TMEM178B: variants seen among roughly 807,000 people sequenced by gnomAD.
TMEM178B encodes transmembrane protein 178B.
TMEM178B carries 5 observed loss-of-function variants against 31.0 expected under a neutral mutation model. The observed-to-expected ratio is 0.16, with a 90% confidence interval of 0.08 to 0.34. The LOEUF (loss-of-function observed/expected upper bound fraction) is 0.34. Ranked by LOEUF, TMEM178B falls within the 10% of genes least tolerant of loss-of-function variation. The pLI is 1.00. For synonymous variants in TMEM178B, 164 were observed against 164.0 expected, an observed-to-expected ratio of 1.00 and a Z score of 0.00; for missense variants, 275 against 400.3, an observed-to-expected ratio of 0.69 and a Z score of 2.67.
chr7:141,130,719 T>C (rs1795581055), intron 1 of TMEM178B, among the ~76,000 whole-genome samples: 1 of 152,152 alleles, frequency 6.6e-6, no homozygotes, highest in Admixed American at 6.5e-5. Context: ...ATAATAATGA[T>C]AATAATAATA....
At position 141,074,308 on chromosome 7, in the gene TMEM178B, G is replaced by C. The variant is rs1794559211; in HGVS notation, c.-3G>C. The C allele has an allele frequency of 6.6e-7, 1 of 1,513,960 alleles. No homozygotes were observed. Among genetic ancestry groups the C allele is most frequent in the Admixed American group, 2.0e-5 (1 of 48,904 alleles). The allele number at this position is 1,513,960 out of a possible 1,614,324, so 93.8% of individuals were successfully genotyped here. A position where few individuals can be genotyped will look rare whatever the true frequency, so the allele number is the denominator to read the frequency against. ...GCCCATGGTGTAGCCGCCAAGCGGA[G>C]GCATGGCTGCCGGAAGGTTACTGCT... On this transcript the variant is annotated 5_prime_UTR_variant, in exon 1 of 4. Coordinates refer to ENST00000565468, the MANE Select transcript of TMEM178B (RefSeq NM_001195278.2). The surrounding 1 kb of genome is among the most constrained non-coding windows in gnomAD (Gnocchi z 5.1).
At chr7:141,128,915 C>T (rs1795550372) in intron 1 of TMEM178B, among the ~76,000 whole-genome samples, 1 of 152,082 alleles carries the variant, frequency 6.6e-6, no homozygotes, top group South Asian at 2.1e-4. Flanking sequence ...TAATTAAACA[C>T]CATGATTGGA....
chr7:141,188,707 G>C (rs1586816842), intron 1 of TMEM178B, among the ~76,000 whole-genome samples: 3 of 152,332 alleles, frequency 2.0e-5, no homozygotes, highest in African/African-American at 7.2e-5. Context: ...CATTAAGACA[G>C]TCATTTGAGA....
chr7:141,238,207 A>G (rs1797560446), intron 2 of TMEM178B, among the ~76,000 whole-genome samples: 4 of 152,130 alleles, frequency 2.6e-5, no homozygotes, highest in South Asian at 4.2e-4. Context: ...GGAGTAGGAC[A>G]GGTTGTTGAG....
chr7:141,212,663 A>G lies in TMEM178B; in HGVS notation c.455A>G (p.Asn152Ser). The part of the protein sequence containing the change: ...SATIPRNLTF[N>S]ITKTIRQDEW... ...ACCATCCCCAGGAACCTCACTTTCAATATCACGAAGACCATCCGTCAGGAT... is the reference window on the plus strand; with the variant it reads ...ACCATCCCCAGGAACCTCACTTTCAGTATCACGAAGACCATCCGTCAGGAT... Residue 152 changes from asparagine to serine, a missense_variant, in exon 2 of 4, where the codon AAT becomes AGT. Physicochemically the swap from Asn to Ser is conservative, Grantham distance 46. Transcript: ENST00000565468. 2.0e-6 allele frequency: 3 copies of G among 1,536,126 alleles called. No individual in the cohort carries two copies. The highest frequency in any genetic ancestry group is 1.4e-5 in the African/African-American group (1 of 73,170).
chr7:141,443,807 A>T (rs946199451), intron 3 of TMEM178B, among the ~76,000 whole-genome samples: 3 of 152,070 alleles, frequency 2.0e-5, no homozygotes, highest in African/African-American at 7.2e-5. Context: ...GCGTGGGAGG[A>T]GGTCTGTCTC....
chr7:141,371,465 A>C (rs1800115433), intron 2 of TMEM178B, among the ~76,000 whole-genome samples: 1 of 152,220 alleles, frequency 6.6e-6, no homozygotes, highest in Non-Finnish European at 1.5e-5. Context: ...ACCAGAAGCC[A>C]AACAAACCTC....
At chr7:141,090,091 A>T (rs1246427723) in intron 1 of TMEM178B, among the ~76,000 whole-genome samples, 1 of 152,090 alleles carries the variant, frequency 6.6e-6, no homozygotes, top group African/African-American at 2.4e-5. Context: ...TCTTCCTCTC[A>T]TCAGCATACT....
rs564401835 is a variant in TMEM178B, at chr7:141,174,502, G to A, written c.383-38089G>A. On this transcript the variant is annotated intron_variant, in intron 1 of 3. Transcript: ENST00000565468. ...AGTAATGGGATTGCTGGGTCAAATG[G>A]TATTTCTAGTTCTAGATCCTTGAGG... is the stretch of plus-strand genomic sequence containing the variant. 3.9e-5 allele frequency among the ~76,000 whole-genome samples: 6 copies of A among 152,236 alleles called. No homozygotes were observed. In the East Asian group the frequency reaches 1.2e-3, roughly 29 times the overall value.
chr7:141,185,501 T>C (rs1187349499), intron 1 of TMEM178B, among the ~76,000 whole-genome samples: 1 of 152,158 alleles, frequency 6.6e-6, no homozygotes, highest in Non-Finnish European at 1.5e-5. Context: ...GGCATGTGGG[T>C]GCCTGTTGGT....
At chr7:141,376,361 A>C (rs1383349373) in intron 2 of TMEM178B, among the ~76,000 whole-genome samples, 1 of 152,234 alleles carries the variant, frequency 6.6e-6, no homozygotes, top group Non-Finnish European at 1.5e-5. Flanking sequence ...TATTACCAAA[A>C]ATTATACCAA....
chr7:141,322,213 G>A (rs1799111793), intron 2 of TMEM178B, among the ~76,000 whole-genome samples: 1 of 152,018 alleles, frequency 6.6e-6, no homozygotes, highest in South Asian at 2.1e-4. Context: ...TAACTTCAGT[G>A]TCCATTAGAG....
At position 141,318,431 on chromosome 7, in the gene TMEM178B, G is replaced by A. The variant is rs1799042907; in HGVS notation, c.496+105727G>A. Among the ~76,000 whole-genome samples the A allele has an allele frequency of 1.3e-5, 2 of 152,084 alleles. No individual in the cohort carries two copies. The highest frequency in any genetic ancestry group is 6.5e-5 in the Admixed American group (1 of 15,268). On this transcript the variant is annotated intron_variant, in intron 2 of 3. Coordinates refer to ENST00000565468, the MANE Select transcript of TMEM178B (RefSeq NM_001195278.2). This position sits in a 1 kb window ranked among gnomAD's most constrained non-coding sequence, Gnocchi z 4.1. ...TAGTGGGGGGAAAACCCAAGTGTTT[G>A]GTTTCAGGAAACTGTTCAAGTTTTT...
At chr7:141,124,522 T>A (rs1417110480) in intron 1 of TMEM178B, among the ~76,000 whole-genome samples, 2 of 152,244 alleles carry the variant, frequency 1.3e-5, no homozygotes, top group Non-Finnish European at 2.9e-5. Context: ...CATGGTTGCC[T>A]CGACTGTAAG....
At chr7:141,458,719 C>T (rs1274402617) in intron 3 of TMEM178B, among the ~76,000 whole-genome samples, 1 of 152,168 alleles carries the variant, frequency 6.6e-6, no homozygotes, top group Non-Finnish European at 1.5e-5. Flanking sequence ...TTTAACTCTT[C>T]ACATTCATTA....
intron 2 of TMEM178B, among the ~76,000 whole-genome samples, chr7:141,401,015 G>A (rs1800751771): frequency 1.3e-5 from 2 of 152,196 alleles, no homozygotes; most frequent in Admixed American, 6.5e-5. Flanking sequence ...CTTATCAGGG[G>A]CAATAAAAGT....
the TMEM178B span, among the ~76,000 whole-genome samples, chr7:141,506,677 C>T: frequency 6.6e-6 from 1 of 152,290 alleles, no homozygotes; most frequent in South Asian, 2.1e-4. Flanking sequence ...CCTCCCAAAT[C>T]TTATGTCCTC....
intron 2 of TMEM178B, among the ~76,000 whole-genome samples, chr7:141,361,428 G>C (rs1241358302): frequency 1.3e-5 from 2 of 152,146 alleles, no homozygotes; most frequent in South Asian, 4.1e-4. Flanking sequence ...TGGGGGAGAG[G>C]AGAATGAGAG....
chr7:141,300,636 G>A (rs983796722), intron 2 of TMEM178B, among the ~76,000 whole-genome samples: 1 of 152,034 alleles, frequency 6.6e-6, no homozygotes, highest in Non-Finnish European at 1.5e-5. Context: ...ATCATTTGTG[G>A]CTGATTTCAA....
Sources: allele counts gnomAD v4.1 joint callset (sites outside exome capture counted in the v4.1 genomes callset), GRCh38; gene constraint gnomAD v4.1.1; non-coding constraint Gnocchi (gnomAD v3.1); transcripts MANE v1.5; gene names NCBI Gene and HGNC (gene_info 2026-07-23, HGNC 2026-07-21).